THSD7A: variants seen among roughly 807,000 people sequenced by gnomAD.
The protein encoded by THSD7A is thrombospondin type 1 domain containing 7A.
In THSD7A, 96 loss-of-function variants were observed where a neutral mutation model predicts 231.3. The observed-to-expected ratio is 0.41, with a 90% CI of 0.35 to 0.49. The LOEUF (loss-of-function observed/expected upper bound fraction) is 0.49, where lower values mean the gene tolerates loss of function less well. THSD7A is among the 20% of genes least tolerant of loss of function. The probability of loss-of-function intolerance (pLI) is 0.05; values close to 1 mark genes in which losing one functional copy is unlikely to be tolerated. For missense variants in THSD7A, 2,290 were observed against 2,070.2 expected, an observed-to-expected ratio of 1.11 and a Z score of -2.06; for synonymous variants, 940 against 743.3, an observed-to-expected ratio of 1.26 and a Z score of -4.30.
At chr7:11,666,131 GT>G (rs1242916544) in intron 1 of THSD7A, among the ~76,000 whole-genome samples, 19 of 152,082 alleles carry the variant, frequency 1.2e-4, no homozygotes, top group Non-Finnish European at 2.6e-4. Flanking sequence ...AGGTGTTCAA[GT>G]GTCAGATATT....
chr7:11,490,168 C>T (rs1217653888), intron 6 of THSD7A, among the ~76,000 whole-genome samples: 2 of 152,016 alleles, frequency 1.3e-5, no homozygotes, highest in Non-Finnish European at 2.9e-5. Flanking sequence ...TGATAGCACC[C>T]ACTTTCCAGC....
chr7:11,720,840 T>C (rs1781325539), intron 1 of THSD7A, among the ~76,000 whole-genome samples: 1 of 151,718 alleles, frequency 6.6e-6, no homozygotes, highest in African/African-American at 2.4e-5. Context: ...CAGATTTTCA[T>C]AGTTTTGACT....
intron 6 of THSD7A, among the ~76,000 whole-genome samples, chr7:11,530,346 C>T (rs1312207175): frequency 1.3e-5 from 2 of 151,762 alleles, no homozygotes; most frequent in Non-Finnish European, 2.9e-5. Context: ...GCAGTGAGGG[C>T]AATAATAAAA....
At chr7:11,760,938 C>T (rs1168942433) in intron 1 of THSD7A, among the ~76,000 whole-genome samples, 1 of 148,266 alleles carries the variant, frequency 6.7e-6, no homozygotes, top group African/African-American at 2.5e-5. Flanking sequence ...AAATTACTGG[C>T]TATAATATTT....
intron 1 of THSD7A, among the ~76,000 whole-genome samples, chr7:11,645,994 T>G (rs1054467806): frequency 2.0e-5 from 3 of 151,960 alleles, no homozygotes; most frequent in Non-Finnish European, 2.9e-5. Context: ...AAGTTCCCAA[T>G]TTTTGAGTAA....
chr7:11,703,876 A>T (rs1312333519), intron 1 of THSD7A, among the ~76,000 whole-genome samples: 1 of 151,222 alleles, frequency 6.6e-6, no homozygotes, highest in African/African-American at 2.4e-5. Flanking sequence ...AGTTAAAGAC[A>T]TCCCCTCTAT....
intron 4 of THSD7A, among the ~76,000 whole-genome samples, chr7:11,559,039 T>C (rs1318833231): frequency 6.6e-6 from 1 of 152,076 alleles, no homozygotes; most frequent in Admixed American, 6.6e-5. Flanking sequence ...TTGCTGGCTT[T>C]GGGGAAAGAG....
chr7:11,505,769 G>A (rs924052705), intron 6 of THSD7A, among the ~76,000 whole-genome samples: 7 of 152,106 alleles, frequency 4.6e-5, no homozygotes, highest in African/African-American at 1.7e-4. Context: ...GAATAACTGG[G>A]ATATGAAGCA....
intron 1 of THSD7A, among the ~76,000 whole-genome samples, chr7:11,758,874 CA>C: frequency 6.6e-6 from 1 of 152,090 alleles, no homozygotes; most frequent in African/African-American, 2.4e-5. Context: ...CAGCCAAGGA[CA>C]AAACATATAT....
chr7:11,506,172 T>C (rs984748977), intron 6 of THSD7A, among the ~76,000 whole-genome samples: 1 of 152,144 alleles, frequency 6.6e-6, no homozygotes, highest in African/African-American at 2.4e-5. Flanking sequence ...TTTGTATTTT[T>C]AGCAGAGATG....
In THSD7A at chr7:11,417,504, T is replaced by C; in HGVS notation, c.3483A>G (p.Pro1161=). 6.2e-7 allele frequency: 1 copy of C among 1,613,712 alleles called. No individual in the cohort carries two copies. Among genetic ancestry groups the C allele is most frequent in the Non-Finnish European group, 8.5e-7 (1 of 1,179,764 alleles). The change falls in exon 17 of 28, where the codon CCA becomes CCG. Residue 1161 remains proline (P), a synonymous_variant. Coordinates refer to ENST00000423059, the MANE Select transcript of THSD7A (RefSeq NM_015204.3). ...MPLGSRVCKL[P]CPEDCVISEW... ...CAGATATCACACAGTCCTCAGGGCA[T>C]GGTAATTTGCACACTCTAGAGCCCA...
At chr7:11,552,086 T>C (rs767737623) in intron 4 of THSD7A, among the ~76,000 whole-genome samples, 1 of 152,094 alleles carries the variant, frequency 6.6e-6, no homozygotes, top group Non-Finnish European at 1.5e-5. Context: ...AAATACTGCA[T>C]GTTCTCACTT....
intron 6 of THSD7A, among the ~76,000 whole-genome samples, chr7:11,511,380 T>C (rs1304256994): frequency 6.6e-6 from 1 of 152,182 alleles, no homozygotes; most frequent in African/African-American, 2.4e-5. Context: ...ATAGATTCAA[T>C]GCCATCCCCA....
At chr7:11,535,390 A>G (rs1788872785) in intron 6 of THSD7A, among the ~76,000 whole-genome samples, 1 of 152,098 alleles carries the variant, frequency 6.6e-6, no homozygotes, top group African/African-American at 2.4e-5. Flanking sequence ...ATAGTCCAAA[A>G]TAAAATGGTG....
chr7:11,412,269 A>G (rs1238406924), intron 18 of THSD7A, among the ~76,000 whole-genome samples: 3 of 152,190 alleles, frequency 2.0e-5, no homozygotes, highest in Admixed American at 2.0e-4. Context: ...CCCACACCTC[A>G]TGAATTGTTG....
rs775604080 is a variant in THSD7A at position 11,590,605 on chromosome 7, A to T, written c.1308T>A (p.Arg436=). 1.2e-6 allele frequency: 2 copies of T among 1,613,330 alleles called. No individual in the cohort carries two copies. The highest frequency in any genetic ancestry group is 1.7e-6 in the Non-Finnish European group (2 of 1,179,572). Residue 436 remains arginine (R), a synonymous_variant, in exon 4 of 28, where the codon CGT becomes CGA. Coordinates refer to ENST00000423059, the MANE Select transcript of THSD7A (RefSeq NM_015204.3). This position sits in a 1 kb window ranked among gnomAD's most constrained non-coding sequence, Gnocchi z 4.4. Reference sequence around the variant, plus strand: ...CCTGCTGACTGAGCAAAGGGTCCACACGGCACTCAGTCCACTCTGTAGTTC... The same window carrying T: ...CCTGCTGACTGAGCAAAGGGTCCACTCGGCACTCAGTCCACTCTGTAGTTC... ...GWRTTEWTEC[R]VDPLLSQQDK...
rs1464511732 is a variant in THSD7A, at chr7:11,374,173, C to T, written c.*1621G>A. On this transcript the variant is annotated 3_prime_UTR_variant, in exon 28 of 28. Coordinates refer to ENST00000423059, the MANE Select transcript of THSD7A (RefSeq NM_015204.3). Reference sequence around the variant, plus strand: ...ATGACCTGCAAAGGTGGCCTACTGGCTGTTTTTGTAAGGGAAGTTATATAG... The same window carrying T: ...ATGACCTGCAAAGGTGGCCTACTGGTTGTTTTTGTAAGGGAAGTTATATAG... The T allele has an allele frequency of 6.6e-6, 1 of 152,074 alleles. No individual in the cohort carries two copies. The highest frequency in any genetic ancestry group is 1.5e-5 in the Non-Finnish European group (1 of 67,986). 9.4% of individuals were successfully genotyped at this position (152,074 alleles called of 1,614,324 possible). A position where few individuals can be genotyped will look rare whatever the true frequency, so the allele number is the denominator to read the frequency against.
intron 6 of THSD7A, among the ~76,000 whole-genome samples, chr7:11,535,756 C>T (rs187531127): frequency 2.7e-4 from 41 of 152,112 alleles, no homozygotes; most frequent in African/African-American, 9.9e-4. Context: ...GAAGTAGATT[C>T]CAGTTCCAAA....
At chr7:11,541,899 T>C (rs1251877163) in intron 5 of THSD7A, among the ~76,000 whole-genome samples, 1 of 151,686 alleles carries the variant, frequency 6.6e-6, no homozygotes, top group Non-Finnish European at 1.5e-5. Context: ...AAATGTCATA[T>C]AGTACCCATC....
Sources: allele counts gnomAD v4.1 joint callset (sites outside exome capture counted in the v4.1 genomes callset), GRCh38; gene constraint gnomAD v4.1.1; non-coding constraint Gnocchi (gnomAD v3.1); transcripts MANE v1.5; gene names NCBI Gene and HGNC (gene_info 2026-07-23, HGNC 2026-07-21).